Variants in LRRC4C observed in about 807,000 individuals in gnomAD.
The protein encoded by LRRC4C is leucine-rich repeat-containing protein 4C.
Under a neutral mutation model 33.6 loss-of-function variants are expected in LRRC4C, and 5 were observed. The observed-to-expected ratio is 0.15, with a 90% confidence interval of 0.08 to 0.31. LRRC4C has a LOEUF of 0.31. Ranked by LOEUF, LRRC4C falls within the 10% of genes least tolerant of loss-of-function variation. LRRC4C has a pLI of 1.00. For missense variants in LRRC4C, 560 were observed against 796.7 expected, an observed-to-expected ratio of 0.70 and a Z score of 3.58; for synonymous variants, 329 against 302.0, an observed-to-expected ratio of 1.09 and a Z score of -0.93.
chr11:41,177,484 A>G (rs1945257033), intron 1 of LRRC4C, among the ~76,000 whole-genome samples: 1 of 152,188 alleles, frequency 6.6e-6, no homozygotes, highest in Non-Finnish European at 1.5e-5. Flanking sequence ...CACAACTGGT[A>G]TAACAATATA....
chr11:40,543,475 C>A (rs1274513652), intron 3 of LRRC4C, among the ~76,000 whole-genome samples: 1 of 152,018 alleles, frequency 6.6e-6, no homozygotes, highest in Non-Finnish European at 1.5e-5. Flanking sequence ...AAAACAGAGC[C>A]ATGCACACAG....
At chr11:40,614,839 G>A (rs185320739) in intron 3 of LRRC4C, among the ~76,000 whole-genome samples, 244 of 151,716 alleles carry the variant, frequency 1.6e-3, no homozygotes, top group African/African-American at 5.4e-3. Context: ...GGGTCAGATG[G>A]AACACACACA....
intron 3 of LRRC4C, among the ~76,000 whole-genome samples, chr11:40,549,789 C>G (rs1339083539): frequency 6.6e-6 from 1 of 151,996 alleles, no homozygotes; most frequent in South Asian, 2.1e-4. Context: ...AAAATACATA[C>G]AGTGAAAGGG....
At chr11:40,413,465 G>A (rs1950221220) in intron 3 of LRRC4C, among the ~76,000 whole-genome samples, 1 of 151,936 alleles carries the variant, frequency 6.6e-6, no homozygotes, top group South Asian at 2.1e-4. Context: ...ATCTCTCACG[G>A]CCTCATTCAA....
chr11:40,939,100 A>T (rs1309654507), intron 1 of LRRC4C, among the ~76,000 whole-genome samples: 4 of 152,234 alleles, frequency 2.6e-5, no homozygotes. Flanking sequence ...GTCCATGTAC[A>T]AAAACTAGAC....
intron 1 of LRRC4C, among the ~76,000 whole-genome samples, chr11:41,235,274 T>G (rs1199977079): frequency 6.6e-6 from 1 of 152,050 alleles, no homozygotes; most frequent in Non-Finnish European, 1.5e-5. Context: ...CTAAAAAAAA[T>G]GCAACCATTT....
chr11:41,454,683 G>A (rs1564963638), intron 1 of LRRC4C, among the ~76,000 whole-genome samples: 2 of 152,206 alleles, frequency 1.3e-5, no homozygotes, highest in African/African-American at 4.8e-5. Context: ...AGGGTACTTA[G>A]GCTGCTCCAG....
intron 2 of LRRC4C, among the ~76,000 whole-genome samples, chr11:40,659,568 G>T (rs1943316393): frequency 6.6e-6 from 1 of 152,144 alleles, no homozygotes; most frequent in African/African-American, 2.4e-5. Flanking sequence ...CCCAGACTCA[G>T]CCAGACTCAC....
intron 1 of LRRC4C, among the ~76,000 whole-genome samples, chr11:41,222,555 G>T (rs1947353082): frequency 6.6e-6 from 1 of 152,092 alleles, no homozygotes; most frequent in Non-Finnish European, 1.5e-5. Flanking sequence ...CAAGGGATGG[G>T]TTACTGAGCT....
At chr11:40,826,803 G>A (rs1272447716) in intron 2 of LRRC4C, among the ~76,000 whole-genome samples, 1 of 151,878 alleles carries the variant, frequency 6.6e-6, no homozygotes, top group Non-Finnish European at 1.5e-5. Flanking sequence ...ATTTTCACTG[G>A]AAGGATTTCA....
chr11:40,309,189 G>T (rs909235243), intron 4 of LRRC4C, among the ~76,000 whole-genome samples: 12 of 152,096 alleles, frequency 7.9e-5, no homozygotes, highest in Non-Finnish European at 2.9e-5. Flanking sequence ...TCCTCACCCT[G>T]CCATCAGTAA....
At chr11:40,926,070 T>TTTGTTG (rs10640708) in intron 2 of LRRC4C, among the ~76,000 whole-genome samples, 1 of 151,384 alleles carries the variant, frequency 6.6e-6, no homozygotes, top group East Asian at 2.0e-4. Flanking sequence ...CTAAGGGTTT[T>TTTGTTG]TTGTTGTTGT....
At chr11:41,196,612 A>G (rs1022719080) in intron 1 of LRRC4C, among the ~76,000 whole-genome samples, 1 of 152,106 alleles carries the variant, frequency 6.6e-6, no homozygotes, top group African/African-American at 2.4e-5. Flanking sequence ...GAATAAATGA[A>G]TGTATACATA....
At chr11:40,385,729 T>G (rs1005267757) in intron 3 of LRRC4C, among the ~76,000 whole-genome samples, 4 of 151,910 alleles carry the variant, frequency 2.6e-5, no homozygotes, top group Non-Finnish European at 4.4e-5. Flanking sequence ...TAGCTGGGCA[T>G]GGTGGCATGT....
chr11:40,495,039 A>G (rs978970008), intron 3 of LRRC4C, among the ~76,000 whole-genome samples: 1 of 152,206 alleles, frequency 6.6e-6, no homozygotes, highest in Admixed American at 6.5e-5. Flanking sequence ...CATGAATATT[A>G]TTAACATTGG....
intron 1 of LRRC4C, among the ~76,000 whole-genome samples, chr11:41,209,925 G>T (rs904433388): frequency 2.0e-5 from 3 of 152,118 alleles, no homozygotes; most frequent in Non-Finnish European, 4.4e-5. Flanking sequence ...GCTTCAATCA[G>T]ATAGGACTCG....
chr11:41,063,228 C>A (rs1937927435), intron 1 of LRRC4C, among the ~76,000 whole-genome samples: 1 of 152,064 alleles, frequency 6.6e-6, no homozygotes, highest in Admixed American at 6.6e-5. Context: ...GAAAACTATA[C>A]CTTTATTATT....
intron 2 of LRRC4C, among the ~76,000 whole-genome samples, chr11:40,717,011 C>A (rs903181996): frequency 6.6e-6 from 1 of 152,150 alleles, no homozygotes; most frequent in African/African-American, 2.4e-5. Context: ...AGGACTAAGC[C>A]TTTTAGCAGT....
intron 3 of LRRC4C, among the ~76,000 whole-genome samples, chr11:40,571,201 T>C (rs1283831436): frequency 6.6e-6 from 1 of 152,154 alleles, no homozygotes; most frequent in African/African-American, 2.4e-5. Context: ...TTTTTAAGAC[T>C]ATAGGAGGAT....
Sources: gnomAD v4.1 joint callset for allele counts (sites outside exome capture counted in the v4.1 genomes callset) on GRCh38, gnomAD v4.1.1 for gene constraint, MANE v1.5 for transcripts, NCBI Gene and HGNC (gene_info 2026-07-23, HGNC 2026-07-21) for gene names.